PDZD7: variants seen among roughly 807,000 people sequenced by gnomAD.
PDZD7 encodes PDZ domain-containing protein 7.
PDZD7 carries 72 observed loss-of-function variants against 84.7 expected under a neutral mutation model. The ratio of observed to expected loss-of-function variants is 0.85; its 90% CI spans 0.70 to 1.03. The LOEUF (loss-of-function observed/expected upper bound fraction) is 1.03, where lower values mean the gene tolerates loss of function less well. Among genes scored for constraint, PDZD7 ranks in the 50% least tolerant of loss-of-function variants. PDZD7 has a pLI of 0.00. For synonymous variants in PDZD7, 594 were observed against 580.7 expected, an observed-to-expected ratio of 1.02 and a Z score of -0.33; for missense variants, 1,490 against 1,412.9, an observed-to-expected ratio of 1.05 and a Z score of -0.87.
intron 2 of PDZD7, among the ~76,000 whole-genome samples, chr10:101,025,685 C>A (rs906044841): frequency 1.3e-5 from 2 of 150,346 alleles, no homozygotes; most frequent in Admixed American, 1.3e-4. Context: ...GTAGCTGGGA[C>A]TACAGGCGCC....
intron 3 of PDZD7, 71 bp from the exon 4 acceptor site, chr10:101,023,681 C>T: frequency 2.6e-6 from 4 of 1,565,290 alleles, no homozygotes; most frequent in Non-Finnish European, 3.5e-6. Flanking sequence ...TCAGATGGAG[C>T]TCCCTGGGGT....
intron 9 of PDZD7, chr10:101,017,408 T>C: frequency 2.3e-6 from 1 of 437,530 alleles, no homozygotes; most frequent in East Asian, 3.5e-5. Flanking sequence ...TTTTTTTTCT[T>C]TAGAGACAGG....
Position 101,021,781 on chromosome 10 carries a change from C to G in PDZD7, c.867+17G>C. The G allele has an allele frequency of 6.2e-7, 1 of 1,614,200 alleles. No individual in the cohort carries two copies. Among genetic ancestry groups the G allele is most frequent in the Non-Finnish European group, 8.5e-7 (1 of 1,180,024 alleles). On this transcript the variant is annotated intron_variant, in intron 6 of 16. Coordinates refer to ENST00000619208, the MANE Select transcript of PDZD7 (RefSeq NM_001195263.2). ...TACTCTAGCCTCACCTCTCCCTACC[C>G]CCACTGTTCTGCCCACCTTGATGGT...
At chr10:101,021,689 C>G (rs1326670032) in intron 6 of PDZD7, 109 bp downstream of exon 6, 1 of 1,514,922 alleles carries the variant, frequency 6.6e-7, no homozygotes, top group East Asian at 2.3e-5. Context: ...TGTCTACCTT[C>G]TAGTGGCTGT....
intron 2 of PDZD7, 30 bp downstream of exon 2, chr10:101,029,963 AC>A: frequency 5.2e-6 from 8 of 1,546,468 alleles, no homozygotes; most frequent in East Asian, 2.3e-5. Flanking sequence ...ACCCTCCCCA[AC>A]CCAGGCCAGT....
intron 9 of PDZD7, chr10:101,017,770 G>T (rs181432748): frequency 6.4e-6 from 3 of 467,852 alleles, no homozygotes; most frequent in Non-Finnish European, 1.1e-5. Flanking sequence ...TGGGCAACAA[G>T]AGCAAAACTC....
At position 101,014,984 on chromosome 10, in the gene PDZD7, G is replaced by T. The variant is rs553636556; in HGVS notation, c.1749+652C>A. On this transcript the variant is annotated intron_variant, in intron 11 of 16. Transcript: ENST00000619208. ...AGGACCTGCCAGTCCTGGAGTGAGT[G>T]ACCTGTGCCCCACAGCCTCCCCAAC... is the stretch of plus-strand genomic sequence containing the variant. 2.6e-4 allele frequency among the ~76,000 whole-genome samples: 40 copies of T among 152,322 alleles called. No individual in the cohort carries two copies. The South Asian group carries it at 8.3e-3, about 32-fold the overall frequency.
intron 1 of PDZD7, chr10:101,030,643 T>C (rs1938087667): frequency 8.5e-6 from 3 of 354,916 alleles, no homozygotes; most frequent in Non-Finnish European, 1.1e-5. Context: ...CAGTCCTCAG[T>C]AGAGGTTGAG....
chr10:101,026,404 G>C (rs1937702678), intron 2 of PDZD7, among the ~76,000 whole-genome samples: 1 of 151,450 alleles, frequency 6.6e-6, no homozygotes, highest in Admixed American at 6.6e-5. Context: ...CAAAATGCTG[G>C]GATTACAGGT....
At chr10:101,017,903 A>C in intron 9 of PDZD7, 196 bp downstream of exon 9, 1 of 472,114 alleles carries the variant, frequency 2.1e-6, no homozygotes, top group Non-Finnish European at 3.8e-6. Context: ...AAAGAAAGAA[A>C]GAAAGAAAGA....
chr10:101,012,445 C>G (rs1362152814), intron 11 of PDZD7, among the ~76,000 whole-genome samples, 187 bp from the exon 12 acceptor site: 1 of 152,218 alleles, frequency 6.6e-6, no homozygotes, highest in Admixed American at 6.5e-5. Flanking sequence ...AGGGTGGAAG[C>G]CTGCAGTAAT....
rs538338412 is a variant in PDZD7 at position 101,021,656 on chromosome 10, A to G, written c.867+142T>C. The G allele has an allele frequency of 3.4e-5, 45 of 1,326,546 alleles. No individual in the cohort carries two copies. In the African/African-American group the frequency reaches 5.9e-4, roughly 17 times the overall value. 82.2% of individuals were successfully genotyped at this position (1,326,546 alleles called of 1,614,324 possible). A position where few individuals can be genotyped will look rare whatever the true frequency, so the allele number is the denominator to read the frequency against. On this transcript the variant is annotated intron_variant, in intron 6 of 16. Transcript: ENST00000619208. ...TCTCTAAACCTGTTTCTTCTTCTTC[A>G]AAACAGGGATGAGAACAATGCCTGT...
intron 6 of PDZD7, among the ~76,000 whole-genome samples, chr10:101,021,070 G>A (rs995444321): frequency 1.3e-5 from 2 of 152,140 alleles, no homozygotes; most frequent in African/African-American, 4.8e-5. Flanking sequence ...GGCACATAGT[G>A]GGTGCTCAAA....
At position 101,008,995 on chromosome 10, in the gene PDZD7, T is replaced by A. The variant is rs535098757; in HGVS notation, c.2719-145A>T. ...GAGGGGATGGACAATGAGACTTTTGTGCCTGCAGTTGTTGGGGGCAGGGTG... is the reference window on the plus strand; with the variant it reads ...GAGGGGATGGACAATGAGACTTTTGAGCCTGCAGTTGTTGGGGGCAGGGTG... On this transcript the variant is annotated intron_variant, in intron 16 of 16. Coordinates refer to ENST00000619208, the MANE Select transcript of PDZD7 (RefSeq NM_001195263.2). The A allele has an allele frequency of 8.6e-4, 955 of 1,111,306 alleles. 16 individuals are homozygous for A. The South Asian group carries it at 0.016, about 18-fold the overall frequency. 68.8% of individuals were successfully genotyped at this position (1,111,306 alleles called of 1,614,324 possible).
intron 6 of PDZD7, among the ~76,000 whole-genome samples, 156 bp downstream of exon 6, chr10:101,021,642 G>C (rs886939661): frequency 6.6e-6 from 1 of 152,120 alleles, no homozygotes; most frequent in African/African-American, 2.4e-5. Context: ...CTCTAAACCT[G>C]TTTCTTCTTC....
chr10:101,009,729 T>G (rs992857209), intron 15 of PDZD7, among the ~76,000 whole-genome samples: 13 of 143,868 alleles, frequency 9.0e-5, no homozygotes, highest in African/African-American at 3.3e-4. Flanking sequence ...TGCCTCACCC[T>G]CCCTAGTAGC....
intron 11 of PDZD7, among the ~76,000 whole-genome samples, chr10:101,013,860 T>TTC (rs1376340412): frequency 6.6e-6 from 1 of 150,726 alleles, no homozygotes; most frequent in East Asian, 1.9e-4. Context: ...TCTTTTTTTT[T>TTC]TTTTTTTGAG....
In PDZD7 at chr10:101,008,643, C is replaced by A. The variant is rs1348767348; in HGVS notation, c.2926G>T (p.Ala976Ser). Residue 976 changes from alanine to serine, a missense_variant, in exon 17 of 17, where the codon GCC (alanine) becomes TCC (serine). Transcript: ENST00000619208. ...GGAGCAGCATCAAGGGGTTGGTGGG[C>A]AGGCAAGTGGTCAGCAGGAAGGCCC... ...DGGLPADHLPAHQPLDAAPVP... is the reference protein window; with the variant it reads ...DGGLPADHLPSHQPLDAAPVP... 1 of 1,535,904 alleles carries A rather than the reference C, an allele frequency of 6.5e-7. No homozygotes were observed. The highest frequency in any genetic ancestry group is 2.0e-5 in the Admixed American group (1 of 50,962).
In PDZD7 at chr10:101,022,405, C is replaced by T. The variant is rs1189943966; in HGVS notation, c.543-20G>A. ...TCCACCCTGGACAACAGCAGGGGGC[C>T]CTCAGGTGGGGTCCTCCATCCACTG... On this transcript the variant is annotated intron_variant, in intron 4 of 16. Transcript: ENST00000619208. The T allele has an allele frequency of 3.7e-6, 6 of 1,613,526 alleles. No homozygotes were observed. The African/African-American group carries it at 6.7e-5, about 18-fold the overall frequency.
Sources: allele counts gnomAD v4.1 joint callset (sites outside exome capture counted in the v4.1 genomes callset), GRCh38; gene constraint gnomAD v4.1.1; transcripts MANE v1.5; gene names NCBI Gene and HGNC (gene_info 2026-07-23, HGNC 2026-07-21).